Variants in TBC1D15 observed in about 807,000 individuals in gnomAD.
TBC1D15 encodes GAP for RAB7.
Under a neutral mutation model 95.4 loss-of-function variants are expected in TBC1D15, and 39 were observed. The observed-to-expected ratio is 0.41, with a 90% CI of 0.32 to 0.53. The LOEUF (loss-of-function observed/expected upper bound fraction) is 0.53, where lower values mean the gene tolerates loss of function less well. Ranked by LOEUF, TBC1D15 falls within the 20% of genes least tolerant of loss-of-function variation. The pLI, the probability that TBC1D15 is intolerant of heterozygous loss-of-function variation, is 0.29. For synonymous variants in TBC1D15, 258 were observed against 261.3 expected (o/e 0.99, Z 0.12); for missense variants, 733 against 794.3 (o/e 0.92, Z 0.93).
chr12:71,840,740 T>A (rs1287108511), intron 1 of TBC1D15, among the ~76,000 whole-genome samples: 1 of 152,164 alleles, frequency 6.6e-6, no homozygotes, highest in Admixed American at 6.5e-5. Flanking sequence ...CATGTCTCCC[T>A]GTTGCTTTCC....
intron 10 of TBC1D15, among the ~76,000 whole-genome samples, chr12:71,906,466 A>G (rs1900737990): frequency 6.6e-6 from 1 of 152,214 alleles, no homozygotes; most frequent in Non-Finnish European, 1.5e-5. Flanking sequence ...AGTCATTTCC[A>G]ACTTATAATG....
At chr12:71,870,525 C>T (rs751867869) in intron 1 of TBC1D15, among the ~76,000 whole-genome samples, 2 of 152,174 alleles carry the variant, frequency 1.3e-5, no homozygotes, top group Non-Finnish European at 2.9e-5. Context: ...AAGACTGTTT[C>T]CTGACATAAG....
At chr12:71,847,800 A>G (rs941735853) in intron 1 of TBC1D15, among the ~76,000 whole-genome samples, 10 of 151,842 alleles carry the variant, frequency 6.6e-5, no homozygotes, top group African/African-American at 2.2e-4. Context: ...GACTGTTACA[A>G]ATAAAGCTGC....
chr12:71,899,928 C>T (rs750109045), intron 10 of TBC1D15, among the ~76,000 whole-genome samples: 10 of 152,060 alleles, frequency 6.6e-5, no homozygotes, highest in African/African-American at 2.4e-4. Flanking sequence ...CACTACACTC[C>T]GGCCTGGGTG....
chr12:71,896,885 G>A, intron 9 of TBC1D15, 105 bp downstream of exon 9: 1 of 679,812 alleles, frequency 1.5e-6, no homozygotes, highest in Non-Finnish European at 2.3e-6. Flanking sequence ...CTGGGGAATG[G>A]AAAAACAACT....
rs189810638 is a variant in TBC1D15, at chr12:71,870,539, A to G, written c.31-1531A>G. On this transcript the variant is annotated intron_variant, in intron 1 of 16. Transcript: ENST00000485960. ...AAAGACTGTTTCCTGACATAAGTCC[A>G]TATCACAGTTGATTAACATAACACA... 3.9e-3 allele frequency among the ~76,000 whole-genome samples: 592 copies of G among 152,350 alleles called. 4 individuals are homozygous for G. Among genetic ancestry groups the G allele is most frequent in the Middle Eastern group, 0.017 (5 of 294 alleles).
chr12:71,918,383 A>C (rs1904201478), intron 13 of TBC1D15, 68 bp from the exon 14 acceptor site: 1 of 1,017,976 alleles, frequency 9.8e-7, no homozygotes, highest in Non-Finnish European at 1.4e-6. Context: ...AAGTTAGAGA[A>C]AAGTAACTGT....
intron 6 of TBC1D15, 54 bp from the exon 7 acceptor site, chr12:71,894,632 T>C: frequency 2.0e-6 from 3 of 1,491,396 alleles, no homozygotes; most frequent in South Asian, 2.4e-5. Context: ...GATGGAGTAT[T>C]CGTTTTTCTT....
At chr12:71,899,004 AG>A (rs1341341198) in intron 10 of TBC1D15, among the ~76,000 whole-genome samples, 2 of 152,162 alleles carry the variant, frequency 1.3e-5, no homozygotes, top group Non-Finnish European at 2.9e-5. Context: ...TTCTAACTGA[AG>A]CTTCTTGATA....
intron 1 of TBC1D15, among the ~76,000 whole-genome samples, chr12:71,860,008 T>C (rs1485334341): frequency 6.6e-6 from 1 of 152,228 alleles, no homozygotes. Flanking sequence ...CAGCGCCATT[T>C]GTAGAAGAGA....
At chr12:71,866,597 C>T (rs1307556019) in intron 1 of TBC1D15, among the ~76,000 whole-genome samples, 2 of 152,182 alleles carry the variant, frequency 1.3e-5, no homozygotes, top group Non-Finnish European at 2.9e-5. Context: ...CTATGATGCA[C>T]TCTAGTGCTC....
chr12:71,888,358 C>T (rs1358399405), intron 5 of TBC1D15, among the ~76,000 whole-genome samples: 2 of 151,560 alleles, frequency 1.3e-5, no homozygotes, highest in Admixed American at 1.3e-4. Flanking sequence ...CCCAGCTACT[C>T]GGGAGGCTGA....
At chr12:71,885,713 G>A (rs751291057) in intron 5 of TBC1D15, among the ~76,000 whole-genome samples, 12 of 152,182 alleles carry the variant, frequency 7.9e-5, no homozygotes, top group Non-Finnish European at 1.3e-4. Context: ...GAGTTCCTGG[G>A]AAGGAATGAG....
At position 71,894,548 on chromosome 12, in the gene TBC1D15, T is replaced by C. The variant is rs150311448; in HGVS notation, c.658-138T>C. The C allele has an allele frequency of 1.3e-3, 1,364 of 1,088,948 alleles. 12 individuals carry two copies. In the African/African-American group the frequency reaches 0.02, roughly 16 times the overall value. 67.5% of individuals were successfully genotyped at this position (1,088,948 alleles called of 1,614,324 possible). A position where few individuals can be genotyped will look rare whatever the true frequency, so the allele number is the denominator to read the frequency against. ...TTTCTTTGAAGAAAGAAAATACAAATTTAAGATAATCTTAGAACACTCTGT... is the reference window on the plus strand; with the variant it reads ...TTTCTTTGAAGAAAGAAAATACAAACTTAAGATAATCTTAGAACACTCTGT... On this transcript the variant is annotated intron_variant, in intron 6 of 16. Transcript: ENST00000485960.
chr12:71,911,130 C>T (rs1302593137), intron 11 of TBC1D15, among the ~76,000 whole-genome samples: 1 of 152,128 alleles, frequency 6.6e-6, no homozygotes, highest in Non-Finnish European at 1.5e-5. Context: ...ACAACAGATG[C>T]TGGAGAGGAT....
chr12:71,903,193 T>C (rs944367531), intron 10 of TBC1D15, among the ~76,000 whole-genome samples: 1 of 152,090 alleles, frequency 6.6e-6, no homozygotes, highest in Non-Finnish European at 1.5e-5. Context: ...GCATTACAGG[T>C]GTGAGTTACC....
At chr12:71,844,453 T>A (rs1406953885) in intron 1 of TBC1D15, among the ~76,000 whole-genome samples, 1 of 152,254 alleles carries the variant, frequency 6.6e-6, no homozygotes, top group Non-Finnish European at 1.5e-5. Flanking sequence ...ATATATCCTC[T>A]GCTTCCCTAT....
At chr12:71,872,710 T>A (rs903206594) in intron 2 of TBC1D15, among the ~76,000 whole-genome samples, 2 of 152,180 alleles carry the variant, frequency 1.3e-5, no homozygotes, top group Non-Finnish European at 2.9e-5. Flanking sequence ...TGGAATATTC[T>A]AAAACTTACG....
intron 3 of TBC1D15, among the ~76,000 whole-genome samples, chr12:71,876,042 C>T (rs1170989576): frequency 6.6e-6 from 1 of 152,168 alleles, no homozygotes; most frequent in Non-Finnish European, 1.5e-5. Flanking sequence ...ATCTGCCTGC[C>T]TTGGCCTCCC....
Sources: gnomAD v4.1 joint callset for allele counts (sites outside exome capture counted in the v4.1 genomes callset) on GRCh38, gnomAD v4.1.1 for gene constraint, MANE v1.5 for transcripts, NCBI Gene and HGNC (gene_info 2026-07-23, HGNC 2026-07-21) for gene names.